Variants in ENTREP1 observed in about 807,000 individuals in gnomAD.
The protein encoded by ENTREP1 is Friedreich ataxia region gene X123.
At chr9:69,353,220 A>C in the ENTREP1 span, among the ~76,000 whole-genome samples, 1 of 152,216 alleles carries the variant, frequency 6.6e-6, no homozygotes, top group African/African-American at 2.4e-5. Flanking sequence ...CTCAGAATGA[A>C]GTTCACTAGT....
chr9:69,325,807 G>T, the ENTREP1 span: 1 of 1,208,920 alleles, frequency 8.3e-7, no homozygotes, highest in Non-Finnish European at 1.0e-6. Flanking sequence ...CCCCTTTGTT[G>T]GCCTCCAGGG....
the ENTREP1 span, chr9:69,385,763 C>CT: frequency 5.4e-3 from 6,635 of 1,233,842 alleles, 4 homozygotes; most frequent in Middle Eastern, 0.016. Flanking sequence ...TGTTTCGCCT[C>CT]TTTTTTTTTT....
the ENTREP1 span, chr9:69,388,462 A>ACC: frequency 2.5e-6 from 4 of 1,570,314 alleles, no homozygotes; most frequent in Admixed American, 7.4e-5. Context: ...TAGTTTTATT[A>ACC]TTAATCTCAG....
the ENTREP1 span, among the ~76,000 whole-genome samples, chr9:69,351,028 T>A: frequency 6.6e-6 from 1 of 152,226 alleles, no homozygotes; most frequent in Non-Finnish European, 1.5e-5. Context: ...AAGCATTTAT[T>A]GGTAATCTTA....
At chr9:69,377,301 G>A in the ENTREP1 span, 2 of 945,172 alleles carry the variant, frequency 2.1e-6, no homozygotes, top group Middle Eastern at 4.2e-4. Flanking sequence ...TTATTTTAAA[G>A]ATTTTCTACA....
the ENTREP1 span, among the ~76,000 whole-genome samples, chr9:69,351,627 G>T: frequency 6.6e-6 from 1 of 152,152 alleles, no homozygotes; most frequent in African/African-American, 2.4e-5. Context: ...ATGTTGGCCA[G>T]GCTGGTCTCA....
At chr9:69,383,709 G>C in the ENTREP1 span, 1 of 1,614,050 alleles carries the variant, frequency 6.2e-7, no homozygotes, top group Non-Finnish European at 8.5e-7. Context: ...CTGTCCTCTG[G>C]ATCCCCCGCC....
At chr9:69,362,052 A>G in the ENTREP1 span, among the ~76,000 whole-genome samples, 11 of 152,134 alleles carry the variant, frequency 7.2e-5, no homozygotes, top group Non-Finnish European at 1.5e-4. Flanking sequence ...CTATTAGTGA[A>G]TAGGTTTTAA....
At chr9:69,340,986 T>C in the ENTREP1 span, among the ~76,000 whole-genome samples, 3 of 152,212 alleles carry the variant, frequency 2.0e-5, no homozygotes, top group African/African-American at 7.2e-5. Flanking sequence ...TCAAAGATTG[T>C]CTGGTCTAGG....
At chr9:69,363,818 C>A in the ENTREP1 span, among the ~76,000 whole-genome samples, 1 of 152,150 alleles carries the variant, frequency 6.6e-6, no homozygotes, top group Non-Finnish European at 1.5e-5. Flanking sequence ...CATACAACAG[C>A]CTTGCCCATG....
the ENTREP1 span, among the ~76,000 whole-genome samples, chr9:69,347,076 A>G: frequency 6.6e-6 from 1 of 152,230 alleles, no homozygotes; most frequent in South Asian, 2.1e-4. Context: ...GCAGTTGGAA[A>G]TAATTCTATG....
chr9:69,385,694 G>A, the ENTREP1 span: 19 of 1,417,708 alleles, frequency 1.3e-5, no homozygotes, highest in African/African-American at 2.9e-5. Flanking sequence ...GCCCTGGCAG[G>A]TTTAGGCTCC....
the ENTREP1 span, chr9:69,377,524 C>G: frequency 1.2e-6 from 2 of 1,606,562 alleles, no homozygotes; most frequent in Non-Finnish European, 1.7e-6. Context: ...CTGAGCCAGC[C>G]CATGGACCCC....
At chr9:69,389,919 T>C in the ENTREP1 span, among the ~76,000 whole-genome samples, 1 of 152,250 alleles carries the variant, frequency 6.6e-6, no homozygotes, top group Non-Finnish European at 1.5e-5. Flanking sequence ...TCCTGGGCCT[T>C]CCAGGACTGG....
At chr9:69,370,719 T>G in the ENTREP1 span, among the ~76,000 whole-genome samples, 3 of 152,220 alleles carry the variant, frequency 2.0e-5, no homozygotes, top group Admixed American at 6.5e-5. Flanking sequence ...TATGTGAACT[T>G]GTTTACCAGC....
chr9:69,325,743 C>G, the ENTREP1 span: 1 of 1,225,052 alleles, frequency 8.2e-7, no homozygotes, highest in East Asian at 3.2e-5. Context: ...GCGCGCGCGC[C>G]CCGTTCGCCC....
chr9:69,370,856 C>T, the ENTREP1 span, among the ~76,000 whole-genome samples: 1 of 152,112 alleles, frequency 6.6e-6, no homozygotes, highest in Non-Finnish European at 1.5e-5. Context: ...TCATGGCTCT[C>T]AAGTTGAAAA....
the ENTREP1 span, among the ~76,000 whole-genome samples, chr9:69,353,886 T>A: frequency 2.6e-5 from 4 of 152,170 alleles, no homozygotes; most frequent in South Asian, 2.1e-4. Context: ...TCTTCTTTGA[T>A]ATGAAAAATT....
chr9:69,385,222 A>G, the ENTREP1 span, among the ~76,000 whole-genome samples: 1 of 152,112 alleles, frequency 6.6e-6, no homozygotes, highest in Admixed American at 6.6e-5. Flanking sequence ...CACCCAGCCA[A>G]TTTTTCCATT....
Sources: allele counts gnomAD v4.1 joint callset (sites outside exome capture counted in the v4.1 genomes callset), GRCh38; gene constraint gnomAD v4.1.1; transcripts MANE v1.5; gene names NCBI Gene and HGNC (gene_info 2026-07-23, HGNC 2026-07-21).